GRXCR1: variants seen among roughly 807,000 people sequenced by gnomAD.
GRXCR1 encodes the protein glutaredoxin and cysteine rich domain containing 1, also known as glutaredoxin domain-containing cysteine-rich protein 1.
GRXCR1 carries 27 observed loss-of-function variants against 27.3 expected under a neutral mutation model. The ratio of observed to expected loss-of-function variants is 0.99; its 90% CI spans 0.73 to 1.37. GRXCR1 has a LOEUF of 1.37. Ranked by LOEUF, GRXCR1 falls within the 40% of genes most tolerant of loss-of-function variation. GRXCR1 has a pLI of 0.00. For missense variants in GRXCR1, 379 were observed against 354.4 expected, an observed-to-expected ratio of 1.07 and a Z score of -0.56; for synonymous variants, 122 against 131.1, an observed-to-expected ratio of 0.93 and a Z score of 0.47.
chr4:42,934,153 C>T (rs1163267353), intron 1 of GRXCR1, among the ~76,000 whole-genome samples: 7 of 151,542 alleles, frequency 4.6e-5, no homozygotes, highest in African/African-American at 7.3e-5. Flanking sequence ...TCTCATAGAA[C>T]ACAGGTAGAG....
chr4:42,988,162 A>G (rs1711841063), intron 2 of GRXCR1, among the ~76,000 whole-genome samples: 1 of 152,188 alleles, frequency 6.6e-6, no homozygotes, highest in South Asian at 2.1e-4. Flanking sequence ...CTACCTTGGC[A>G]GCAATGATAC....
chr4:42,934,387 A>G (rs565065753), intron 1 of GRXCR1, among the ~76,000 whole-genome samples: 5 of 151,908 alleles, frequency 3.3e-5, no homozygotes, highest in Middle Eastern at 3.4e-3. Flanking sequence ...TCAGTTTAAC[A>G]TCTTGCCTCT....
Position 43,008,286 on chromosome 4 carries a change from C to T in GRXCR1, c.628-12068C>T, listed in dbSNP as rs115844067. On this transcript the variant is annotated intron_variant, in intron 2 of 3. Coordinates refer to ENST00000399770, the MANE Select transcript of GRXCR1 (RefSeq NM_001080476.3). ...TTAGCCCATCTTCTAAACAAGAGGA[C>T]GGTATATTTACTTTCTGGATGGTCC... Among the ~76,000 whole-genome samples the T allele has an allele frequency of 4.5e-3, 680 of 152,198 alleles. 7 individuals carry two copies. The highest frequency in any genetic ancestry group is 0.013 in the African/African-American group (559 of 41,538).
At chr4:43,010,261 G>A (rs910748575) in intron 2 of GRXCR1, among the ~76,000 whole-genome samples, 1 of 152,082 alleles carries the variant, frequency 6.6e-6, no homozygotes, top group Non-Finnish European at 1.5e-5. Context: ...AACTTAGCCA[G>A]ATGTGGTGGT....
intron 2 of GRXCR1, among the ~76,000 whole-genome samples, chr4:43,005,944 A>G (rs1021649365): frequency 2.0e-5 from 3 of 152,344 alleles, no homozygotes; most frequent in South Asian, 4.1e-4. Context: ...AGGGACCCCA[A>G]ATGGAGGGAC....
chr4:42,911,506 GA>G (rs1746722188), intron 1 of GRXCR1, among the ~76,000 whole-genome samples: 2 of 152,098 alleles, frequency 1.3e-5, no homozygotes, highest in Non-Finnish European at 2.9e-5. Context: ...GGGTGAACAG[GA>G]AAATAAGTAG....
chr4:42,951,721 T>A (rs1747888156), intron 1 of GRXCR1, among the ~76,000 whole-genome samples: 1 of 152,198 alleles, frequency 6.6e-6, no homozygotes, highest in Non-Finnish European at 1.5e-5. Context: ...TGAACTAATT[T>A]ACATTCCCAC....
chr4:42,956,284 G>C (rs1182730177), intron 1 of GRXCR1, among the ~76,000 whole-genome samples: 2 of 152,142 alleles, frequency 1.3e-5, no homozygotes, highest in East Asian at 1.9e-4. Flanking sequence ...GACCCCAAAG[G>C]CTTCTCAGTG....
intron 2 of GRXCR1, among the ~76,000 whole-genome samples, chr4:42,988,314 G>T (rs567218609): frequency 1.3e-5 from 2 of 152,242 alleles, no homozygotes; most frequent in East Asian, 3.9e-4. Flanking sequence ...GAGCACTGAT[G>T]CAGAGTGACA....
chr4:43,010,316 T>C (rs746199194), intron 2 of GRXCR1, among the ~76,000 whole-genome samples: 1 of 151,716 alleles, frequency 6.6e-6, no homozygotes, highest in Non-Finnish European at 1.5e-5. Flanking sequence ...GGCAGGAGAA[T>C]TGCTTGAACC....
intron 1 of GRXCR1, among the ~76,000 whole-genome samples, chr4:42,936,055 T>C (rs552478536): frequency 4.4e-4 from 67 of 152,044 alleles, no homozygotes; most frequent in African/African-American, 1.5e-3. Flanking sequence ...TACTAAATAT[T>C]TACCAGCTAT....
intron 2 of GRXCR1, among the ~76,000 whole-genome samples, chr4:43,012,597 T>C (rs1712794612): frequency 6.6e-6 from 1 of 152,160 alleles, no homozygotes; most frequent in African/African-American, 2.4e-5. Context: ...ATTGAGTTCA[T>C]ATTATGTGTC....
intron 2 of GRXCR1, among the ~76,000 whole-genome samples, chr4:42,997,260 G>T (rs1712197015): frequency 6.6e-6 from 1 of 151,944 alleles, no homozygotes; most frequent in South Asian, 2.1e-4. Context: ...GTCATCTGTA[G>T]GACACTTCAA....
intron 1 of GRXCR1, among the ~76,000 whole-genome samples, chr4:42,923,445 T>A (rs1473957315): frequency 6.6e-6 from 1 of 152,036 alleles, no homozygotes; most frequent in African/African-American, 2.4e-5. Context: ...ACAAAATATA[T>A]CTTCTATTAG....
At position 42,990,173 on chromosome 4, in the gene GRXCR1, C is replaced by CTTTTTTTTTTT. The variant is rs745784596; in HGVS notation, c.627+27065_627+27075dup. Among the ~76,000 whole-genome samples, 38 of 46,230 alleles carry CTTTTTTTTTTT rather than the reference C, an allele frequency of 8.2e-4. 13 individuals carry two copies. Among genetic ancestry groups the CTTTTTTTTTTT allele is most frequent in the East Asian group, 1.6e-3 (2 of 1,284 alleles). 30.3% of individuals were successfully genotyped at this position (46,230 alleles called of 152,430 possible). A position where few individuals can be genotyped will look rare whatever the true frequency, so the allele number is the denominator to read the frequency against. On this transcript the variant is annotated intron_variant, in intron 2 of 3. Transcript: ENST00000399770. The stretch of plus-strand genomic sequence containing the variant: ...AACTTCTTGAATTGAATTATTAGTT[C>CTTTTTTTTTTT]TTTTTTTTTTTTTTTTTTTTTTTTT...
At chr4:42,935,505 G>A (rs1747435139) in intron 1 of GRXCR1, among the ~76,000 whole-genome samples, 1 of 151,848 alleles carries the variant, frequency 6.6e-6, no homozygotes, top group South Asian at 2.1e-4. Flanking sequence ...TTGGAAAGAT[G>A]GGTAGCATTT....
chr4:42,945,494 T>C (rs928744309), intron 1 of GRXCR1, among the ~76,000 whole-genome samples: 1 of 152,170 alleles, frequency 6.6e-6, no homozygotes, highest in Non-Finnish European at 1.5e-5. Context: ...GGTAACACCA[T>C]GTCTGGCATC....
chr4:42,969,013 T>C (rs1748317276), intron 2 of GRXCR1, among the ~76,000 whole-genome samples: 1 of 152,148 alleles, frequency 6.6e-6, no homozygotes, highest in South Asian at 2.1e-4. Context: ...CTGTATGTGT[T>C]TCTCATTAGT....
In GRXCR1 at chr4:42,990,173, C is replaced by CTTTTTTTTTTTTTTTTTTTTTTTT. The variant is rs745784596; in HGVS notation, c.627+27052_627+27075dup. ...AACTTCTTGAATTGAATTATTAGTT[C>CTTTTTTTTTTTTTTTTTTTTTTTT]TTTTTTTTTTTTTTTTTTTTTTTTT... On this transcript the variant is annotated intron_variant, in intron 2 of 3. Transcript: ENST00000399770. Among the ~76,000 whole-genome samples the CTTTTTTTTTTTTTTTTTTTTTTTT allele has an allele frequency of 8.7e-5, 4 of 46,230 alleles. 2 individuals are homozygous for CTTTTTTTTTTTTTTTTTTTTTTTT. Among genetic ancestry groups the CTTTTTTTTTTTTTTTTTTTTTTTT allele is most frequent in the Non-Finnish European group, 1.5e-4 (4 of 26,052 alleles). 30.3% of individuals were successfully genotyped at this position (46,230 alleles called of 152,430 possible).
Sources: gnomAD v4.1 joint callset for allele counts (sites outside exome capture counted in the v4.1 genomes callset) on GRCh38, gnomAD v4.1.1 for gene constraint, MANE v1.5 for transcripts, NCBI Gene and HGNC (gene_info 2026-07-23, HGNC 2026-07-21) for gene names.